CDH18: variants seen among roughly 807,000 people sequenced by gnomAD.
The protein encoded by CDH18 is cadherin 18, also known as cadherin-18.
A neutral mutation model predicts 67.9 loss-of-function variants in CDH18; 31 were observed. The observed-to-expected ratio is 0.46, with a 90% CI of 0.34 to 0.62. CDH18 has a LOEUF of 0.62. Among genes scored for constraint, CDH18 ranks in the 20% least tolerant of loss-of-function variants. The probability of loss-of-function intolerance (pLI) is 0.01; values close to 1 mark genes in which losing one functional copy is unlikely to be tolerated. For missense variants in CDH18, 890 were observed against 975.5 expected, an observed-to-expected ratio of 0.91 and a Z score of 1.17; for synonymous variants, 362 against 347.2, an observed-to-expected ratio of 1.04 and a Z score of -0.48.
intron 2 of CDH18, among the ~76,000 whole-genome samples, chr5:20,157,604 T>C (rs2126596576): frequency 6.6e-6 from 1 of 152,048 alleles, no homozygotes; most frequent in East Asian, 1.9e-4. Context: ...ACAATGAGTT[T>C]ATTTCTTTTA....
At chr5:19,906,566 C>T (rs1333660889) in intron 2 of CDH18, among the ~76,000 whole-genome samples, 1 of 151,868 alleles carries the variant, frequency 6.6e-6, no homozygotes, top group Admixed American at 6.6e-5. Context: ...TTGGCTTCTT[C>T]TTATCGCATC....
At chr5:20,270,180 T>G (rs183029563) in intron 1 of CDH18, among the ~76,000 whole-genome samples, 2 of 152,076 alleles carry the variant, frequency 1.3e-5, no homozygotes, top group Admixed American at 6.6e-5. Context: ...AATAAAGACA[T>G]AAATCACCTA....
intron 1 of CDH18, among the ~76,000 whole-genome samples, chr5:20,393,813 C>A (rs939172668): frequency 3.3e-5 from 5 of 151,830 alleles, no homozygotes; most frequent in Admixed American, 3.3e-4. Flanking sequence ...CAAAACAATA[C>A]AATACAATTC....
At position 19,571,734 on chromosome 5, in the gene CDH18, A is replaced by G; in HGVS notation, c.1098T>C (p.Asp366=). 6.2e-7 allele frequency: 1 copy of G among 1,614,052 alleles called. No homozygotes were observed. Among genetic ancestry groups the G allele is most frequent in the Non-Finnish European group, 8.5e-7 (1 of 1,179,940 alleles). Residue 366 remains aspartate, a synonymous_variant, in exon 8 of 13, where the codon GAT becomes GAC. Coordinates refer to ENST00000382275, the MANE Select transcript of CDH18 (RefSeq NM_004934.5). ...CAACAATGATCTTCAGCATAGTAGC[A>G]TCTTTAAAAGGACCCAAGTGAGAAA... The part of the protein sequence containing the change: ...FRFSHLGPFK[D]ATMLKIIVGD...
intron 9 of CDH18, among the ~76,000 whole-genome samples, chr5:19,542,909 C>T (rs1159981351): frequency 6.6e-6 from 1 of 151,864 alleles, no homozygotes; most frequent in Non-Finnish European, 1.5e-5. Flanking sequence ...TCATTTTATG[C>T]TGTGTGAATT....
At chr5:20,481,188 T>A (rs762884304) in intron 1 of CDH18, among the ~76,000 whole-genome samples, 4 of 149,996 alleles carry the variant, frequency 2.7e-5, no homozygotes, top group African/African-American at 5.0e-5. Flanking sequence ...GAGTAGCTAA[T>A]TCAGACAACT....
At chr5:20,240,326 T>C (rs1241729606) in intron 2 of CDH18, among the ~76,000 whole-genome samples, 9 of 151,988 alleles carry the variant, frequency 5.9e-5, no homozygotes, top group African/African-American at 1.9e-4. Flanking sequence ...CAAAATATGA[T>C]TTTTGATTCA....
At chr5:20,041,389 G>A (rs1437341856) in intron 2 of CDH18, among the ~76,000 whole-genome samples, 1 of 152,116 alleles carries the variant, frequency 6.6e-6, no homozygotes, top group East Asian at 1.9e-4. Flanking sequence ...TAGAGTTTAG[G>A]ACACCTTCTT....
intron 1 of CDH18, among the ~76,000 whole-genome samples, chr5:20,412,974 C>G (rs1347863151): frequency 6.6e-6 from 1 of 152,176 alleles, no homozygotes; most frequent in African/African-American, 2.4e-5. Flanking sequence ...CCCCGCACCC[C>G]ACGACAGGCC....
chr5:20,078,204 G>T (rs1184824860), intron 2 of CDH18, among the ~76,000 whole-genome samples: 1 of 152,308 alleles, frequency 6.6e-6, no homozygotes, highest in South Asian at 2.1e-4. Flanking sequence ...GCTTACGCCT[G>T]TAATCCCAGC....
intron 2 of CDH18, among the ~76,000 whole-genome samples, chr5:19,998,822 G>A (rs559945859): frequency 1.3e-5 from 2 of 152,164 alleles, no homozygotes; most frequent in African/African-American, 4.8e-5. Context: ...AACTTTGGTA[G>A]CATAAGAAGT....
chr5:19,736,195 A>G (rs1045325256), intron 4 of CDH18, among the ~76,000 whole-genome samples: 2 of 152,162 alleles, frequency 1.3e-5, no homozygotes, highest in African/African-American at 4.8e-5. Context: ...AATTTTGTTC[A>G]GTGTGGGCAA....
chr5:19,486,517 C>T (rs192547714), intron 11 of CDH18, among the ~76,000 whole-genome samples: 90 of 152,166 alleles, frequency 5.9e-4, no homozygotes, highest in African/African-American at 1.7e-3. Flanking sequence ...GAGGGCCAGG[C>T]GCAGTGGATC....
At chr5:19,657,051 C>T (rs1756503995) in intron 5 of CDH18, among the ~76,000 whole-genome samples, 1 of 152,036 alleles carries the variant, frequency 6.6e-6, no homozygotes, top group Non-Finnish European at 1.5e-5. Flanking sequence ...TTAGGTCTTA[C>T]AGGATATGTA....
chr5:20,293,950 C>T (rs1227824862), intron 1 of CDH18, among the ~76,000 whole-genome samples: 1 of 152,078 alleles, frequency 6.6e-6, no homozygotes, highest in Non-Finnish European at 1.5e-5. Flanking sequence ...CACTGATGTA[C>T]GTAGGCATTT....
intron 2 of CDH18, among the ~76,000 whole-genome samples, chr5:20,038,458 C>T (rs192473924): frequency 2.0e-5 from 3 of 152,158 alleles, no homozygotes; most frequent in Non-Finnish European, 4.4e-5. Flanking sequence ...AAAATACTGA[C>T]AACCCAAATC....
chr5:20,501,546 T>TTATATATATATAATA (rs372548554), intron 1 of CDH18, among the ~76,000 whole-genome samples: 1 of 23,132 alleles, frequency 4.3e-5, no homozygotes, highest in African/African-American at 8.9e-5. Flanking sequence ...TATATACATA[T>TTATATATATATAATA]TATATATATA....
At chr5:19,761,807 A>C (rs1772388595) in intron 3 of CDH18, among the ~76,000 whole-genome samples, 1 of 152,202 alleles carries the variant, frequency 6.6e-6, no homozygotes, top group South Asian at 2.1e-4. Context: ...CAAAAGAACA[A>C]AGCTGGAGGC....
At chr5:20,385,657 AAG>A (rs1234022111) in intron 1 of CDH18, among the ~76,000 whole-genome samples, 2 of 152,200 alleles carry the variant, frequency 1.3e-5, no homozygotes, top group Non-Finnish European at 2.9e-5. Context: ...ATGAAACATC[AAG>A]AGGGGGATAT....
Sources: allele counts gnomAD v4.1 joint callset (sites outside exome capture counted in the v4.1 genomes callset), GRCh38; gene constraint gnomAD v4.1.1; transcripts MANE v1.5; gene names NCBI Gene and HGNC (gene_info 2026-07-23, HGNC 2026-07-21).